IMPG2: variants seen among roughly 807,000 people sequenced by gnomAD.
IMPG2 encodes IPM 200.
A neutral mutation model predicts 129.2 loss-of-function variants in IMPG2; 91 were observed. That is an observed-to-expected ratio of 0.70 (90% CI 0.59 to 0.84). IMPG2 has a LOEUF of 0.84. Ranked by LOEUF, IMPG2 falls within the 40% of genes least tolerant of loss-of-function variation. The pLI, the probability that IMPG2 is intolerant of heterozygous loss-of-function variation, is 0.00. For synonymous variants in IMPG2, 510 were observed against 517.7 expected (o/e 0.99, Z 0.20); for missense variants, 1,430 against 1,461.7 (o/e 0.98, Z 0.35).
intron 1 of IMPG2, 45 bp downstream of exon 1, chr3:101,320,243 A>G: frequency 1.8e-6 from 2 of 1,097,396 alleles, no homozygotes; most frequent in African/African-American, 3.1e-5. Context: ...AAGAACATAT[A>G]CTACAGATAT....
chr3:101,232,738 A>G (rs1576743413), intron 15 of IMPG2, 43 bp downstream of exon 15: 17 of 1,556,770 alleles, frequency 1.1e-5, no homozygotes, highest in Non-Finnish European at 1.5e-5. Flanking sequence ...TTTAGAGGAA[A>G]TATCTATAGC....
At chr3:101,255,512 C>G (rs1706588777) in intron 10 of IMPG2, among the ~76,000 whole-genome samples, 1 of 152,110 alleles carries the variant, frequency 6.6e-6, no homozygotes, top group Non-Finnish European at 1.5e-5. Context: ...CCTTAATCTT[C>G]ACGCCATTCT....
intron 3 of IMPG2, among the ~76,000 whole-genome samples, chr3:101,299,493 A>G (rs1209854247): frequency 2.0e-5 from 3 of 151,910 alleles, no homozygotes; most frequent in Admixed American, 1.3e-4. Context: ...TGGGTTTTCA[A>G]CCTTTTTTTG....
At chr3:101,285,114 T>TA (rs1706931117) in intron 4 of IMPG2, among the ~76,000 whole-genome samples, 1 of 152,168 alleles carries the variant, frequency 6.6e-6, no homozygotes, top group Admixed American at 6.5e-5. Context: ...CAATTAAATG[T>TA]AAAAAATCTT....
At chr3:101,229,320 G>GGGGCCCCCCCCCC in intron 17 of IMPG2, 60 bp downstream of exon 17, 1 of 519,344 alleles carries the variant, frequency 1.9e-6, no homozygotes, top group Non-Finnish European at 3.0e-6. Flanking sequence ...ACCACCCCCT[G>GGGGCCCCCCCCCC]CTCCCCCACA....
intron 9 of IMPG2, among the ~76,000 whole-genome samples, chr3:101,259,288 C>G (rs1278833719): frequency 6.6e-6 from 1 of 152,112 alleles, no homozygotes; most frequent in Admixed American, 6.5e-5. Flanking sequence ...CCACTCAAGA[C>G]AGACGTGCAG....
intron 9 of IMPG2, among the ~76,000 whole-genome samples, chr3:101,259,120 A>G (rs983890918): frequency 1.3e-5 from 2 of 152,126 alleles, no homozygotes; most frequent in Non-Finnish European, 2.9e-5. Context: ...CAATTAAACT[A>G]TTACCCAAAA....
intron 9 of IMPG2, among the ~76,000 whole-genome samples, chr3:101,262,770 CA>C (rs200218148): frequency 0.056 from 7,344 of 130,394 alleles, 331 homozygotes; most frequent in African/African-American, 0.13. Flanking sequence ...GAAAGGATAA[CA>C]AAAAAAAAAA....
intron 4 of IMPG2, 80 bp from the exon 5 acceptor site, chr3:101,276,793 A>G (rs1382487322): frequency 9.1e-7 from 1 of 1,093,102 alleles, no homozygotes; most frequent in Non-Finnish European, 1.4e-6. Flanking sequence ...TTGTTTTCCA[A>G]AAAGGAAAGC....
intron 11 of IMPG2, among the ~76,000 whole-genome samples, chr3:101,250,565 GA>G (rs1196925625): frequency 2.6e-5 from 4 of 152,194 alleles, no homozygotes; most frequent in Admixed American, 6.5e-5. Flanking sequence ...CAAAAAAAGA[GA>G]AAAAAACAGA....
chr3:101,230,824 C>T, intron 16 of IMPG2, 133 bp downstream of exon 16: 1 of 762,646 alleles, frequency 1.3e-6, no homozygotes, highest in Non-Finnish European at 2.3e-6. Flanking sequence ...GGACAAGGAC[C>T]ATGTGTTTAT....
rs1706222161 is a variant in IMPG2 at position 101,226,251 on chromosome 3, A to ATATATATATATATATATATATATT, written c.*717_*718insAATATATATATATATATATATATA. 7.7e-5 allele frequency: 2 copies of ATATATATATATATATATATATATT among 26,106 alleles called. No individual in the cohort carries two copies. The highest frequency in any genetic ancestry group is 2.2e-4 in the African/African-American group (2 of 9,222). 1.6% of individuals were successfully genotyped at this position (26,106 alleles called of 1,614,324 possible). ...TATATATATATATATATATATATAT[A>ATATATATATATATATATATATATT]TATATATATATATATATATATATAT... On this transcript the variant is annotated 3_prime_UTR_variant, in exon 19 of 19. Transcript: ENST00000193391.
At chr3:101,257,423 AGTC>A in intron 10 of IMPG2, 103 bp downstream of exon 10, 2 of 1,373,484 alleles carry the variant, frequency 1.5e-6, no homozygotes, top group East Asian at 4.6e-5. Context: ...TGTCTCATAA[AGTC>A]TAGAGAATGG....
chr3:101,306,479 G>A (rs1403510776), intron 2 of IMPG2, among the ~76,000 whole-genome samples: 2 of 152,182 alleles, frequency 1.3e-5, no homozygotes, highest in African/African-American at 4.8e-5. Context: ...GGCACTGACT[G>A]AGGCAGAGCT....
chr3:101,306,167 C>T (rs1464538375), intron 2 of IMPG2, among the ~76,000 whole-genome samples: 1 of 152,168 alleles, frequency 6.6e-6, no homozygotes, highest in African/African-American at 2.4e-5. Flanking sequence ...TAAATAATTA[C>T]TGCCTTATTA....
At chr3:101,266,389 C>T (rs1176776397) in intron 9 of IMPG2, among the ~76,000 whole-genome samples, 1 of 152,102 alleles carries the variant, frequency 6.6e-6, no homozygotes, top group Non-Finnish European at 1.5e-5. Context: ...CATTTTAAAA[C>T]ATTTTTTCTT....
Position 101,270,032 on chromosome 3 carries a change from G to C in IMPG2, c.829-459C>G, listed in dbSNP as rs181196650. 6.4e-4 allele frequency among the ~76,000 whole-genome samples: 94 copies of C among 147,230 alleles called. 2 individuals are homozygous for C. In the East Asian group the frequency reaches 0.015, roughly 23 times the overall value. ...TGCAAACTCCACCTTCCAGGTTCAA[G>C]CAATTGTCCTGCCTCAGCCTCCTGA... On this transcript the variant is annotated intron_variant, in intron 7 of 18. Coordinates refer to ENST00000193391, the MANE Select transcript of IMPG2 (RefSeq NM_016247.4).
At chr3:101,256,215 A>AAG (rs760006319) in intron 10 of IMPG2, among the ~76,000 whole-genome samples, 12 of 150,272 alleles carry the variant, frequency 8.0e-5, no homozygotes, top group African/African-American at 3.0e-4. Context: ...GAAAGAAAGA[A>AAG]AGAAAAAAAT....
At position 101,225,608 on chromosome 3, in the gene IMPG2, T is replaced by A. The variant is rs1221987993; in HGVS notation, c.*1361A>T. 6.6e-6 allele frequency: 1 copy of A among 152,210 alleles called. No homozygotes were observed. Among genetic ancestry groups the A allele is most frequent in the African/African-American group, 2.4e-5 (1 of 41,456 alleles). 9.4% of individuals were successfully genotyped at this position (152,210 alleles called of 1,614,324 possible). ...AGAAAAAAAAAAGTGAACCAAGTATTTTATCTTATGGTCAGTTTATACTGG... is the reference window on the plus strand; with the variant it reads ...AGAAAAAAAAAAGTGAACCAAGTATATTATCTTATGGTCAGTTTATACTGG... On this transcript the variant is annotated 3_prime_UTR_variant, in exon 19 of 19. Coordinates refer to ENST00000193391, the MANE Select transcript of IMPG2 (RefSeq NM_016247.4).
Sources: gnomAD v4.1 joint callset for allele counts (sites outside exome capture counted in the v4.1 genomes callset) on GRCh38, gnomAD v4.1.1 for gene constraint, MANE v1.5 for transcripts, NCBI Gene and HGNC (gene_info 2026-07-23, HGNC 2026-07-21) for gene names.